The following NTRK3 variants were observed in gnomAD, a reference collection of about 807,000 sequenced individuals.
The protein encoded by NTRK3 is neurotrophic receptor tyrosine kinase 3, also known as NT-3 growth factor receptor.
In NTRK3, 24 loss-of-function variants were observed where a neutral mutation model predicts 91.7. That is an observed-to-expected ratio of 0.26 (90% CI 0.19 to 0.37). NTRK3 has a LOEUF of 0.37. Ranked by LOEUF, NTRK3 falls within the 10% of genes least tolerant of loss-of-function variation. NTRK3 has a pLI of 1.00. For missense variants in NTRK3, 880 were observed against 1,068.9 expected, an observed-to-expected ratio of 0.82 and a Z score of 2.46; for synonymous variants, 483 against 404.0, an observed-to-expected ratio of 1.20 and a Z score of -2.34.
chr15:88,141,495 A>G (rs1177750769), intron 6 of NTRK3, among the ~76,000 whole-genome samples: 1 of 152,228 alleles, frequency 6.6e-6, no homozygotes, highest in African/African-American at 2.4e-5. Context: ...AATGACAAGG[A>G]GGGTCCAGAT....
chr15:88,122,627 A>T (rs4887365), intron 13 of NTRK3, among the ~76,000 whole-genome samples: 40,985 of 152,074 alleles, frequency 0.27, 6,001 homozygotes, highest in African/African-American at 0.36. Context: ...TTGTTATATT[A>T]ATCTTTGTCT....
intron 3 of NTRK3, among the ~76,000 whole-genome samples, chr15:88,201,362 GGGTCTCATGGGTGTTGTCCCTC>G (rs1165474307): frequency 6.6e-6 from 1 of 152,138 alleles, no homozygotes; most frequent in African/African-American, 2.4e-5. Flanking sequence ...TACCACCCAC[GGGTCTCATGGGTGTTGTCCCTC>G]GGTTCTAAGG....
At chr15:88,206,163 C>A (rs941762328) in intron 3 of NTRK3, among the ~76,000 whole-genome samples, 10 of 147,852 alleles carry the variant, frequency 6.8e-5, no homozygotes, top group South Asian at 2.2e-4. Context: ...CACGGTGAAA[C>A]CCCGTCTCTA....
chr15:87,896,699 A>G (rs191629890), intron 17 of NTRK3, among the ~76,000 whole-genome samples: 45 of 152,192 alleles, frequency 3.0e-4, no homozygotes, highest in East Asian at 2.7e-3. Flanking sequence ...TCTACAATAC[A>G]TGAGTGTGCA....
At chr15:87,915,121 T>G (rs1034100130) in intron 17 of NTRK3, among the ~76,000 whole-genome samples, 1 of 152,062 alleles carries the variant, frequency 6.6e-6, no homozygotes, top group Non-Finnish European at 1.5e-5. Flanking sequence ...GTGGTGGTGG[T>G]GGTGACAAAA....
At chr15:88,052,642 GATTT>G (rs573898036) in intron 13 of NTRK3, among the ~76,000 whole-genome samples, 41 of 152,302 alleles carry the variant, frequency 2.7e-4, no homozygotes, top group African/African-American at 9.4e-4. Context: ...GGAGTTAATA[GATTT>G]ATTATAATAG....
intron 14 of NTRK3, among the ~76,000 whole-genome samples, chr15:87,952,323 T>C (rs1480391434): frequency 6.6e-6 from 1 of 152,170 alleles, no homozygotes; most frequent in African/African-American, 2.4e-5. Context: ...CCTAACGTGC[T>C]TAAAATCCAG....
At chr15:88,011,344 T>G (rs2076868409) in intron 14 of NTRK3, among the ~76,000 whole-genome samples, 1 of 152,178 alleles carries the variant, frequency 6.6e-6, no homozygotes, top group Non-Finnish European at 1.5e-5. Context: ...TAAGAAAGTT[T>G]ATCTGGGAAT....
chr15:87,900,316 C>T (rs2066374882), intron 17 of NTRK3, among the ~76,000 whole-genome samples: 1 of 152,172 alleles, frequency 6.6e-6, no homozygotes. Context: ...CCCAGCCACA[C>T]AGCCCTGGCA....
At chr15:88,099,943 T>C (rs2050006090) in intron 13 of NTRK3, among the ~76,000 whole-genome samples, 1 of 152,170 alleles carries the variant, frequency 6.6e-6, no homozygotes, top group South Asian at 2.1e-4. Context: ...AAGGATACTT[T>C]GCACCTTCTC....
intron 17 of NTRK3, among the ~76,000 whole-genome samples, chr15:87,897,624 G>A (rs993507133): frequency 1.4e-4 from 21 of 152,060 alleles, no homozygotes; most frequent in East Asian, 3.9e-4. Flanking sequence ...TACCATATTC[G>A]TAAGTAAACA....
exon 19 of NTRK3, chr15:87,867,035 T>G: frequency 4.5e-6 from 1 of 222,032 alleles, no homozygotes; most frequent in Non-Finnish European, 9.0e-6. Flanking sequence ...AAAACGTGTT[T>G]GGAGAAAGGC....
exon 19 of NTRK3, chr15:87,866,273 C>A (rs750779932): frequency 1.2e-4 from 25 of 205,118 alleles, no homozygotes; most frequent in Non-Finnish European, 2.3e-4. Context: ...GCCATTTTAT[C>A]CTAGAAAGCA....
At chr15:88,015,347 C>A (rs979685508) in intron 14 of NTRK3, among the ~76,000 whole-genome samples, 8 of 152,144 alleles carry the variant, frequency 5.3e-5, no homozygotes, top group Admixed American at 2.6e-4. Flanking sequence ...GCTCCCTCCA[C>A]CCCGGGAGGG....
At chr15:88,042,952 A>G (rs1188998429) in intron 13 of NTRK3, among the ~76,000 whole-genome samples, 1 of 152,242 alleles carries the variant, frequency 6.6e-6, no homozygotes, top group East Asian at 1.9e-4. Flanking sequence ...TTTTCTAACA[A>G]CAGGACAAGT....
At chr15:88,141,374 A>G (rs2042372033) in intron 6 of NTRK3, among the ~76,000 whole-genome samples, 1 of 152,260 alleles carries the variant, frequency 6.6e-6, no homozygotes, top group South Asian at 2.1e-4. Flanking sequence ...CAAGAAGAGC[A>G]GAAGGCCAGA....
intron 17 of NTRK3, among the ~76,000 whole-genome samples, chr15:87,892,074 C>T (rs2065879505): frequency 7.6e-6 from 1 of 131,612 alleles, no homozygotes; most frequent in Admixed American, 7.7e-5. Flanking sequence ...TCCAGTTGCC[C>T]CCATCCCCAA....
At chr15:87,937,934 G>A (rs963885933) in intron 15 of NTRK3, among the ~76,000 whole-genome samples, 2 of 151,626 alleles carry the variant, frequency 1.3e-5, no homozygotes, top group Admixed American at 1.3e-4. Context: ...GACCACTGAG[G>A]TTCACCCGGG....
intron 13 of NTRK3, among the ~76,000 whole-genome samples, chr15:88,105,571 T>C (rs78545644): frequency 0.029 from 4,346 of 152,318 alleles, 174 homozygotes; most frequent in East Asian, 0.11. Context: ...CATACGCTGC[T>C]TCTCTGGGTC....
Sources: allele counts gnomAD v4.1 joint callset (sites outside exome capture counted in the v4.1 genomes callset), GRCh38; gene constraint gnomAD v4.1.1; transcripts MANE v1.5; gene names NCBI Gene and HGNC (gene_info 2026-07-23, HGNC 2026-07-21).